The following RELN variants were observed in gnomAD, a reference collection of about 807,000 sequenced individuals.
RELN encodes the protein reelin.
A neutral mutation model predicts 427.6 loss-of-function variants in RELN; 108 were observed. The ratio of observed to expected loss-of-function variants is 0.25; its 90% CI spans 0.22 to 0.30. The LOEUF is 0.30. Among genes scored for constraint, RELN ranks in the 10% least tolerant of loss-of-function variants. The pLI is 1.00. For synonymous variants in RELN, 1,524 were observed against 1,513.4 expected (o/e 1.01, Z -0.16); for missense variants, 3,715 against 4,302.8 (o/e 0.86, Z 3.82).
At chr7:103,590,234 T>C (rs1455839668) in intron 27 of RELN, among the ~76,000 whole-genome samples, 1 of 152,086 alleles carries the variant, frequency 6.6e-6, no homozygotes, top group Non-Finnish European at 1.5e-5. Flanking sequence ...GGAACAAGCA[T>C]CCTCCTTCTG....
At chr7:103,605,528 A>G (rs1186575599) in intron 22 of RELN, among the ~76,000 whole-genome samples, 1 of 152,248 alleles carries the variant, frequency 6.6e-6, no homozygotes, top group African/African-American at 2.4e-5. Flanking sequence ...TGACTGCTAT[A>G]AAACATTCTT....
chr7:103,866,757 C>A (rs1443459523), intron 2 of RELN, among the ~76,000 whole-genome samples: 3 of 151,930 alleles, frequency 2.0e-5, no homozygotes, highest in Non-Finnish European at 4.4e-5. Flanking sequence ...AATTAGAAAT[C>A]CTCAAAGGAT....
intron 23 of RELN, 81 bp downstream of exon 23, chr7:103,604,265 C>T: frequency 6.5e-7 from 1 of 1,528,904 alleles, no homozygotes; most frequent in Non-Finnish European, 9.0e-7. Context: ...ATCCATGTCA[C>T]TCTGATGACA....
chr7:103,629,128 T>C (rs1014006499), intron 20 of RELN, among the ~76,000 whole-genome samples: 2 of 152,186 alleles, frequency 1.3e-5, no homozygotes, highest in Non-Finnish European at 2.9e-5. Context: ...ATCAGTAGAA[T>C]GTGTTATATC....
Position 103,495,496 on chromosome 7 carries a change from T to C in RELN, c.9369+227A>G, listed in dbSNP as rs891724462. Among the ~76,000 whole-genome samples, 22 of 152,186 alleles carry C rather than the reference T, an allele frequency of 1.4e-4. 1 individual carries two copies. Among genetic ancestry groups the C allele is most frequent in the African/African-American group, 5.1e-4 (21 of 41,450 alleles). On this transcript the variant is annotated intron_variant, in intron 57 of 64. Coordinates refer to ENST00000428762, the MANE Select transcript of RELN (RefSeq NM_005045.4). ...TGCAATTACTTTTGCACCAGCCTAATAGTTACATTTCTTGCTATGTCCCAA... is the reference window on the plus strand; with the variant it reads ...TGCAATTACTTTTGCACCAGCCTAACAGTTACATTTCTTGCTATGTCCCAA...
intron 4 of RELN, among the ~76,000 whole-genome samples, chr7:103,766,923 C>T (rs936341958): frequency 6.6e-6 from 1 of 152,212 alleles, no homozygotes; most frequent in Non-Finnish European, 1.5e-5. Flanking sequence ...AACACAACAA[C>T]AGAGAATTCC....
chr7:103,944,197 T>G (rs893912449), intron 1 of RELN, among the ~76,000 whole-genome samples: 17 of 152,050 alleles, frequency 1.1e-4, no homozygotes, highest in African/African-American at 3.9e-4. Context: ...AATAAAGAAA[T>G]TAATTAATAA....
intron 46 of RELN, among the ~76,000 whole-genome samples, chr7:103,527,743 C>G (rs1452965345): frequency 2.0e-5 from 3 of 152,204 alleles, no homozygotes; most frequent in Non-Finnish European, 4.4e-5. Flanking sequence ...TAGCCTATTT[C>G]TTTGTATTAA....
intron 9 of RELN, among the ~76,000 whole-genome samples, chr7:103,699,074 T>C (rs1834037575): frequency 6.6e-6 from 1 of 152,170 alleles, no homozygotes; most frequent in Non-Finnish European, 1.5e-5. Flanking sequence ...TCCAGATCCT[T>C]CTGCTATATA....
At chr7:103,496,812 C>T (rs80156500) in intron 55 of RELN, 44 bp from the exon 56 acceptor site, 3 of 1,606,404 alleles carry the variant, frequency 1.9e-6, no homozygotes, top group Non-Finnish European at 2.6e-6. Context: ...TCTAGAATCT[C>T]CTGCCTCCTC....
At chr7:103,974,678 C>T (rs1307736742) in intron 1 of RELN, among the ~76,000 whole-genome samples, 1 of 152,162 alleles carries the variant, frequency 6.6e-6, no homozygotes, top group African/African-American at 2.4e-5. Context: ...GTAAATTTCT[C>T]TTAGAAGACA....
chr7:103,869,333 T>C (rs543005770), intron 2 of RELN, among the ~76,000 whole-genome samples: 27 of 152,108 alleles, frequency 1.8e-4, no homozygotes, highest in Non-Finnish European at 3.7e-4. Context: ...TTTTATACCA[T>C]TTCCAGTGCT....
At chr7:103,643,260 G>T (rs946657479) in intron 16 of RELN, among the ~76,000 whole-genome samples, 5 of 152,016 alleles carry the variant, frequency 3.3e-5, no homozygotes, top group African/African-American at 1.2e-4. Flanking sequence ...TTGACATTTT[G>T]TCCCTTCTCC....
intron 51 of RELN, among the ~76,000 whole-genome samples, chr7:103,509,095 T>C (rs937153245): frequency 6.6e-6 from 1 of 152,142 alleles, no homozygotes; most frequent in Non-Finnish European, 1.5e-5. Context: ...TAATTATAGA[T>C]TCAATGCTAT....
At chr7:103,633,833 T>C (rs1832521478) in intron 19 of RELN, among the ~76,000 whole-genome samples, 1 of 152,080 alleles carries the variant, frequency 6.6e-6, no homozygotes, top group South Asian at 2.1e-4. Flanking sequence ...ATCATTACCT[T>C]GATTTTTTGT....
intron 8 of RELN, among the ~76,000 whole-genome samples, chr7:103,717,310 A>G (rs1789962176): frequency 6.7e-6 from 1 of 149,242 alleles, no homozygotes; most frequent in Non-Finnish European, 1.5e-5. Context: ...TTATAGATAA[A>G]TATACATATG....
intron 2 of RELN, among the ~76,000 whole-genome samples, chr7:103,874,757 A>T (rs1316326929): frequency 1.3e-5 from 2 of 150,884 alleles, no homozygotes; most frequent in Non-Finnish European, 3.0e-5. Context: ...AGGAAGAATC[A>T]ATATTGTGAA....
At chr7:103,892,479 T>C (rs1794872296) in intron 2 of RELN, among the ~76,000 whole-genome samples, 1 of 152,202 alleles carries the variant, frequency 6.6e-6, no homozygotes. Context: ...TGTGATTTCA[T>C]ACAATTCTTC....
Position 103,603,589 on chromosome 7 carries a change from G to T in RELN, c.3147-99C>A. On this transcript the variant is annotated intron_variant, in intron 23 of 64. Transcript: ENST00000428762. The surrounding 1 kb of genome is among the most constrained non-coding windows in gnomAD (Gnocchi z 4.3). ...TTTCCCATGTCTTACTTTTGCTCAG[G>T]TCTTATCATTCACACTAGATTCTTC... The T allele has an allele frequency of 1.1e-6, 1 of 921,412 alleles. No homozygotes were observed. Among genetic ancestry groups the T allele is most frequent in the Non-Finnish European group, 1.8e-6 (1 of 560,784 alleles). 57.1% of individuals were successfully genotyped at this position (921,412 alleles called of 1,614,324 possible).
Sources: allele counts gnomAD v4.1 joint callset (sites outside exome capture counted in the v4.1 genomes callset), GRCh38; gene constraint gnomAD v4.1.1; non-coding constraint Gnocchi (gnomAD v3.1); transcripts MANE v1.5; gene names NCBI Gene and HGNC (gene_info 2026-07-23, HGNC 2026-07-21).